The following HSF2 variants were observed in gnomAD, a reference collection of about 807,000 sequenced individuals.
HSF2 encodes heat shock transcription factor 2, also known as heat shock factor protein 2.
In HSF2, 21 loss-of-function variants were observed where a neutral mutation model predicts 65.0. The observed-to-expected ratio is 0.32, with a 90% CI of 0.23 to 0.47. The LOEUF is 0.47. HSF2 is among the 20% of genes least tolerant of loss of function. HSF2 has a pLI of 1.00. For missense variants in HSF2, 499 were observed against 628.1 expected (o/e 0.79, Z 2.20); for synonymous variants, 225 against 219.1 (o/e 1.03, Z -0.24).
chr6:122,400,532 C>A (rs1275792359), intron 1 of HSF2, among the ~76,000 whole-genome samples: 2 of 152,142 alleles, frequency 1.3e-5, no homozygotes, highest in Non-Finnish European at 2.9e-5. Flanking sequence ...TTTCGCTGAA[C>A]AGTTACCAGC....
intron 11 of HSF2, among the ~76,000 whole-genome samples, chr6:122,431,213 A>C (rs1292584710): frequency 6.6e-6 from 1 of 152,030 alleles, no homozygotes; most frequent in African/African-American, 2.4e-5. Flanking sequence ...ATCTTAATTC[A>C]GGTTCTTTGT....
intron 1 of HSF2, among the ~76,000 whole-genome samples, chr6:122,401,448 G>A (rs1773731562): frequency 6.6e-6 from 1 of 152,186 alleles, no homozygotes; most frequent in Non-Finnish European, 1.5e-5. Flanking sequence ...TATATTGGCA[G>A]TTGCTTTTAA....
intron 1 of HSF2, among the ~76,000 whole-genome samples, chr6:122,410,907 T>G (rs1773974838): frequency 6.6e-6 from 1 of 151,038 alleles, no homozygotes; most frequent in African/African-American, 2.4e-5. Flanking sequence ...GTCGTTGCTT[T>G]TATGGTTTTT....
chr6:122,411,754 T>A (rs1045516684), intron 1 of HSF2, among the ~76,000 whole-genome samples: 14 of 151,660 alleles, frequency 9.2e-5, no homozygotes, highest in African/African-American at 3.4e-4. Flanking sequence ...TTCTGGGCTG[T>A]CTATTTTATT....
intron 4 of HSF2, among the ~76,000 whole-genome samples, chr6:122,414,002 C>T (rs375617529): frequency 2.6e-5 from 4 of 151,932 alleles, no homozygotes; most frequent in East Asian, 1.9e-4. Context: ...TGAGGGCATA[C>T]GACATAAAAA....
intron 10 of HSF2, among the ~76,000 whole-genome samples, chr6:122,425,412 T>C (rs1039883514): frequency 2.6e-5 from 4 of 152,036 alleles, no homozygotes; most frequent in Non-Finnish European, 5.9e-5. Flanking sequence ...TCAGACAAAT[T>C]TGGGTTCTGT....
At position 122,399,661 on chromosome 6, in the gene HSF2, G is replaced by A. The variant is rs6926219; in HGVS notation, c.-77G>A. The A allele has an allele frequency of 0.6, 667,789 of 1,112,336 alleles. 191,084 individuals are homozygous for A. Among genetic ancestry groups the A allele is most frequent in the South Asian group, 0.7 (53,997 of 77,262 alleles). 68.9% of individuals were successfully genotyped at this position (1,112,336 alleles called of 1,614,324 possible). On this transcript the variant is annotated 5_prime_UTR_variant, in exon 1 of 13. Transcript: ENST00000368455. ...CGCCTGCGTTGTGGGCGTTCTCGGG[G>A]AGCTGCTGCCGTAGCTGCCGCCGCC...
chr6:122,428,038 T>A, intron 11 of HSF2, 82 bp downstream of exon 11: 1 of 775,632 alleles, frequency 1.3e-6, no homozygotes, highest in Non-Finnish European at 2.1e-6. Context: ...GCAATGTCAC[T>A]CCCAGCCACA....
chr6:122,420,535 A>C (rs1200179752), intron 7 of HSF2, among the ~76,000 whole-genome samples: 1 of 151,188 alleles, frequency 6.6e-6, no homozygotes, highest in Non-Finnish European at 1.5e-5. Context: ...TCTCATGGCC[A>C]TTTTGTATAT....
At position 122,432,004 on chromosome 6, in the gene HSF2, G is replaced by A. The variant is rs374482768; in HGVS notation, c.1395G>A (p.Ala465=). Residue 465 remains alanine, a synonymous_variant, in exon 13 of 13, where the codon GCG becomes GCA. Coordinates refer to ENST00000368455, the MANE Select transcript of HSF2 (RefSeq NM_004506.4). Reference sequence around the variant, plus strand: ...ACCCTGCTTCTTCTGTTGAACAGGCGAGTACAACAGCATCATCAGAAGTTT... The same window carrying A: ...ACCCTGCTTCTTCTGTTGAACAGGCAAGTACAACAGCATCATCAGAAGTTT... The part of the protein sequence containing the change: ...DGNPASSVEQ[A]STTASSEVLS... The A allele has an allele frequency of 1.5e-5, 24 of 1,613,654 alleles. No homozygotes were observed. Among genetic ancestry groups the A allele is most frequent in the African/African-American group, 9.4e-5 (7 of 74,840 alleles).
intron 8 of HSF2, 147 bp from the exon 9 acceptor site, chr6:122,422,571 C>A: frequency 1.2e-6 from 1 of 807,778 alleles, no homozygotes. Flanking sequence ...CTATGAAGTA[C>A]CAATATTGTG....
At position 122,413,622 on chromosome 6, in the gene HSF2, T is replaced by C. The variant is rs1774052381; in HGVS notation, c.428T>C (p.Ile143Thr). ...AQKVQIKQET[I>T]ESRLSELKSE... The stretch of plus-strand genomic sequence containing the variant: ...AAGGTTCAGATAAAACAGGAAACTA[T>C]TGAGTCCAGGCTTTCTGAATTAAAA... The change falls in exon 4 of 13, where the codon ATT becomes ACT. Residue 143 changes from isoleucine to threonine, a missense_variant. Physicochemically the swap from Ile to Thr is moderately conservative, Grantham distance 89. Coordinates refer to ENST00000368455, the MANE Select transcript of HSF2 (RefSeq NM_004506.4). 6.2e-7 allele frequency: 1 copy of C among 1,606,796 alleles called. No homozygotes were observed.
chr6:122,418,402 A>G (rs2114442031), intron 5 of HSF2, among the ~76,000 whole-genome samples: 1 of 152,298 alleles, frequency 6.6e-6, no homozygotes, highest in South Asian at 2.1e-4. Context: ...AGAATTTAAC[A>G]TATCCAAAGT....
At chr6:122,413,723 T>A in intron 4 of HSF2, 74 bp downstream of exon 4, 1 of 1,261,612 alleles carries the variant, frequency 7.9e-7, no homozygotes. Context: ...GTTTGGAGGT[T>A]GTCTGATGTT....
At chr6:122,416,470 TA>T (rs1486262490) in intron 5 of HSF2, among the ~76,000 whole-genome samples, 174 bp downstream of exon 5, 1 of 152,218 alleles carries the variant, frequency 6.6e-6, no homozygotes, top group African/African-American at 2.4e-5. Context: ...ACATTTTTAA[TA>T]AAAAATTTCT....
At position 122,420,199 on chromosome 6, in the gene HSF2, C is replaced by A; in HGVS notation, c.658C>A (p.Pro220Thr). ...CCTGTTTCAGCACATAGTCAAAGAACCAACTGATAATCATCATCATAAAGT... is the reference window on the plus strand; with the variant it reads ...CCTGTTTCAGCACATAGTCAAAGAAACAACTGATAATCATCATCATAAAGT... Reference protein sequence around the residue: ...KNLFQHIVKEPTDNHHHKVPH... With the variant: ...KNLFQHIVKETTDNHHHKVPH... Residue 220 changes from proline to threonine, a missense_variant, in exon 7 of 13, where the codon CCA becomes ACA. Pro to Thr is a conservative substitution (Grantham distance 38). Around this residue, in one of 2 missense-constraint regions of HSF2, gnomAD observed 349 missense variants for 393.5 expected, o/e 0.89. Coordinates refer to ENST00000368455, the MANE Select transcript of HSF2 (RefSeq NM_004506.4). The A allele has an allele frequency of 6.2e-7, 1 of 1,601,838 alleles. No homozygotes were observed.
intron 5 of HSF2, among the ~76,000 whole-genome samples, 192 bp from the exon 6 acceptor site, chr6:122,418,976 T>A (rs537260301): frequency 6.6e-6 from 1 of 152,260 alleles, no homozygotes; most frequent in Admixed American, 6.5e-5. Flanking sequence ...CCAAAACAAA[T>A]AAACTGCCTG....
intron 8 of HSF2, 32 bp from the exon 9 acceptor site, chr6:122,422,686 G>T (rs1301470657): frequency 1.2e-6 from 2 of 1,603,930 alleles, no homozygotes; most frequent in Non-Finnish European, 1.7e-6. Flanking sequence ...ATTTGAAAAT[G>T]TAATAGGTTC....
In HSF2 at chr6:122,420,220, A is replaced by G. The variant is rs1774203452; in HGVS notation, c.679A>G (p.Lys227Glu). ...VKEPTDNHHH[K>E]VPHSRTEGLK... ...AGAACCAACTGATAATCATCATCATAAAGTAATTTTTTAGTTAGGGTCTAT... is the reference window on the plus strand; with the variant it reads ...AGAACCAACTGATAATCATCATCATGAAGTAATTTTTTAGTTAGGGTCTAT... Residue 227 changes from lysine to glutamate, a missense_variant and splice_region_variant, in exon 7 of 13, where the codon AAA becomes GAA. By Grantham distance (56) the Lys-to-Glu change is moderately conservative. Coordinates refer to ENST00000368455, the MANE Select transcript of HSF2 (RefSeq NM_004506.4). 1 of 1,591,304 alleles carries G rather than the reference A, an allele frequency of 6.3e-7. No individual in the cohort carries two copies. The highest frequency in any genetic ancestry group is 8.6e-7 in the Non-Finnish European group (1 of 1,163,058).
Sources: allele counts gnomAD v4.1 joint callset (sites outside exome capture counted in the v4.1 genomes callset), GRCh38; gene constraint gnomAD v4.1.1; regional missense constraint gnomAD v4.1.1; transcripts MANE v1.5; gene names NCBI Gene and HGNC (gene_info 2026-07-23, HGNC 2026-07-21).